Variants in PEX1 observed in about 807,000 individuals in gnomAD.
PEX1 encodes peroxisomal ATPase PEX1.
Under a neutral mutation model 152.5 loss-of-function variants are expected in PEX1, and 97 were observed. The observed-to-expected ratio is 0.64, with a 90% CI of 0.54 to 0.75. The LOEUF (loss-of-function observed/expected upper bound fraction) is 0.75, where lower values mean the gene tolerates loss of function less well. Ranked by LOEUF, PEX1 falls within the 30% of genes least tolerant of loss-of-function variation. The pLI, the probability that PEX1 is intolerant of heterozygous loss-of-function variation, is 0.00. For synonymous variants in PEX1, 485 were observed against 531.6 expected (o/e 0.91, Z 1.21); for missense variants, 1,357 against 1,516.3 (o/e 0.89, Z 1.74).
intron 5 of PEX1, among the ~76,000 whole-genome samples, chr7:92,514,867 T>C (rs1306393551): frequency 1.3e-5 from 2 of 151,922 alleles, no homozygotes; most frequent in Non-Finnish European, 1.5e-5. Flanking sequence ...GTGGCCAATA[T>C]GGTGAAACCT....
At chr7:92,525,782 A>G (rs1293616565) in intron 1 of PEX1, among the ~76,000 whole-genome samples, 1 of 152,230 alleles carries the variant, frequency 6.6e-6, no homozygotes, top group Non-Finnish European at 1.5e-5. Flanking sequence ...ACAAGAGAAT[A>G]CAATACTTGA....
At chr7:92,502,983 G>A in intron 13 of PEX1, 58 bp downstream of exon 13, 1 of 1,450,168 alleles carries the variant, frequency 6.9e-7, no homozygotes, top group Non-Finnish European at 9.6e-7. Flanking sequence ...TAATAAAATT[G>A]AAAAATAATT....
intron 1 of PEX1, among the ~76,000 whole-genome samples, chr7:92,524,282 T>G (rs963820878): frequency 6.7e-6 from 1 of 149,906 alleles, no homozygotes. Flanking sequence ...TTTTTTTTTT[T>G]CTTGAGACGG....
chr7:92,506,598 C>T (rs1316231889), intron 10 of PEX1: 2 of 531,100 alleles, frequency 3.8e-6, no homozygotes, highest in Admixed American at 3.2e-5. Context: ...AAAAGCTCAA[C>T]AGAACATTAG....
At chr7:92,514,122 G>C (rs1792611385) in intron 5 of PEX1, among the ~76,000 whole-genome samples, 155 bp from the exon 6 acceptor site, 1 of 152,168 alleles carries the variant, frequency 6.6e-6, no homozygotes, top group South Asian at 2.1e-4. Flanking sequence ...CATGCAGGCT[G>C]CTATATCAAA....
rs67750906 is a variant in PEX1, at chr7:92,515,067, CTATATATATATATATATATATATA to C, written c.1240-1124_1240-1101del. On this transcript the variant is annotated intron_variant, in intron 5 of 23. Transcript: ENST00000248633. Reference sequence around the variant, plus strand: ...GTCTCAAGAAAAAAAAAAAAATTATCTATATATATATATATATATATATATATATATATATATATATATATATAT... The same window carrying C: ...GTCTCAAGAAAAAAAAAAAAATTATCTATATATATATATATATATATATAT... Among the ~76,000 whole-genome samples the C allele has an allele frequency of 1.6e-3, 197 of 125,142 alleles. 7 individuals carry two copies. The highest frequency in any genetic ancestry group is 5.4e-3 in the African/African-American group (178 of 33,000). 82.1% of individuals were successfully genotyped at this position (125,142 alleles called of 152,430 possible). A position where few individuals can be genotyped will look rare whatever the true frequency, so the allele number is the denominator to read the frequency against.
In PEX1 at chr7:92,528,480, A is replaced by G. The variant is rs886062509; in HGVS notation, c.-45T>C. 7 of 1,529,350 alleles carry G rather than the reference A, an allele frequency of 4.6e-6. No homozygotes were observed. Among genetic ancestry groups the G allele is most frequent in the Non-Finnish European group, 6.1e-6 (7 of 1,138,634 alleles). 94.7% of individuals were successfully genotyped at this position (1,529,350 alleles called of 1,614,324 possible). A position where few individuals can be genotyped will look rare whatever the true frequency, so the allele number is the denominator to read the frequency against. On this transcript the variant is annotated 5_prime_UTR_variant, in exon 1 of 24. Transcript: ENST00000248633. ...GGGTTCGCCCACCCTAGCGCCGCAA[A>G]GGACCCGGGACCCGGCAGGCCGAGG...
chr7:92,507,245 CT>C lies in PEX1; in HGVS notation c.1671-120del, dbSNP rs79143453. 0.19 allele frequency: 124,383 copies of C among 657,602 alleles called. 7,478 individuals carry two copies. Among genetic ancestry groups the C allele is most frequent in the East Asian group, 0.35 (10,124 of 29,094 alleles). 40.7% of individuals were successfully genotyped at this position (657,602 alleles called of 1,614,324 possible). On this transcript the variant is annotated intron_variant, in intron 9 of 23. Transcript: ENST00000248633. ...TAATTAATTTAATTTAATTTTTTATCTTTTTTTTTTTGAGAAAGGGGCTTGC... is the reference window on the plus strand; with the variant it reads ...TAATTAATTTAATTTAATTTTTTATCTTTTTTTTTTGAGAAAGGGGCTTGC...
intron 5 of PEX1, among the ~76,000 whole-genome samples, chr7:92,515,162 T>G (rs1301016364): frequency 6.8e-6 from 1 of 147,516 alleles, no homozygotes; most frequent in East Asian, 1.9e-4. Flanking sequence ...TTCCCAAATA[T>G]AAGTAAGCAC....
At position 92,493,171 on chromosome 7, in the gene PEX1, TAAAAA is replaced by T. The variant is rs746859635; in HGVS notation, c.3031-47_3031-43del. 109 of 1,082,182 alleles carry T rather than the reference TAAAAA, an allele frequency of 1.0e-4. 1 individual carries two copies. The East Asian group carries it at 2.2e-3, about 21-fold the overall frequency. The allele number at this position is 1,082,182 out of a possible 1,614,324, so 67.0% of individuals were successfully genotyped here. A position where few individuals can be genotyped will look rare whatever the true frequency, so the allele number is the denominator to read the frequency against. On this transcript the variant is annotated intron_variant, in intron 19 of 23. Coordinates refer to ENST00000248633, the MANE Select transcript of PEX1 (RefSeq NM_000466.3). ...TTATTTAACAAATAAAAAATAAAATTAAAAATATTATCTTAAATTGTGTATCTTAT... is the reference window on the plus strand; with the variant it reads ...TTATTTAACAAATAAAAAATAAAATTTATTATCTTAAATTGTGTATCTTAT...
chr7:92,528,281 C>A, intron 1 of PEX1, 26 bp downstream of exon 1: 1 of 1,549,058 alleles, frequency 6.5e-7, no homozygotes, highest in Admixed American at 2.0e-5. Flanking sequence ...GGCTGAAGAT[C>A]AGGTGGCTCG....
intron 2 of PEX1, among the ~76,000 whole-genome samples, chr7:92,520,798 A>G (rs936384378): frequency 6.6e-6 from 1 of 152,202 alleles, no homozygotes; most frequent in Admixed American, 6.5e-5. Context: ...TTTGTAATAC[A>G]TGGAAAGGTA....
At chr7:92,527,710 G>A (rs1305056661) in intron 1 of PEX1, among the ~76,000 whole-genome samples, 2 of 152,216 alleles carry the variant, frequency 1.3e-5, no homozygotes, top group Non-Finnish European at 2.9e-5. Context: ...GGTTAGAACT[G>A]TGAAACATCC....
chr7:92,497,254 A>G (rs912623731), intron 16 of PEX1, among the ~76,000 whole-genome samples: 1 of 152,230 alleles, frequency 6.6e-6, no homozygotes, highest in African/African-American at 2.4e-5. Flanking sequence ...TGCCAGAAAC[A>G]GTGTCTGCCA....
intron 5 of PEX1, among the ~76,000 whole-genome samples, chr7:92,515,991 C>T (rs1231037700): frequency 1.0e-5 from 1 of 99,984 alleles, no homozygotes; most frequent in Non-Finnish European, 2.1e-5. Context: ...AAGCTTCTAA[C>T]TCAAAAAAAG....
rs1275143327 is a variant in PEX1 at position 92,503,256 on chromosome 7, T to C, written c.2072-61A>G. ...AAGTAAACATGAAATTTAAAAATTA[T>C]ACATTCATTAAAAATAATGATACTC... On this transcript the variant is annotated intron_variant, in intron 12 of 23. Transcript: ENST00000248633. 4.2e-6 allele frequency: 6 copies of C among 1,412,398 alleles called. No homozygotes were observed. The East Asian group carries it at 1.5e-4, about 34-fold the overall frequency. 87.5% of individuals were successfully genotyped at this position (1,412,398 alleles called of 1,614,324 possible). A position where few individuals can be genotyped will look rare whatever the true frequency, so the allele number is the denominator to read the frequency against.
At chr7:92,522,699 T>G (rs985475378) in intron 1 of PEX1, among the ~76,000 whole-genome samples, 2 of 152,238 alleles carry the variant, frequency 1.3e-5, no homozygotes, top group Non-Finnish European at 2.9e-5. Flanking sequence ...ATAAATTTAC[T>G]ATTTTAACAT....
intron 5 of PEX1, among the ~76,000 whole-genome samples, chr7:92,514,333 G>A (rs1792622184): frequency 6.6e-6 from 1 of 152,080 alleles, no homozygotes; most frequent in Non-Finnish European, 1.5e-5. Flanking sequence ...AAATACCAAC[G>A]GTGTGACCAG....
chr7:92,496,589 AT>A, intron 17 of PEX1, 123 bp downstream of exon 17: 1 of 759,480 alleles, frequency 1.3e-6, no homozygotes, highest in Non-Finnish European at 2.4e-6. Context: ...CCTCTAGCTT[AT>A]TAATAATTCA....
Sources: gnomAD v4.1 joint callset for allele counts (sites outside exome capture counted in the v4.1 genomes callset) on GRCh38, gnomAD v4.1.1 for gene constraint, MANE v1.5 for transcripts, NCBI Gene and HGNC (gene_info 2026-07-23, HGNC 2026-07-21) for gene names.